Variants in SLC38A6 observed in about 807,000 individuals in gnomAD.
SLC38A6 encodes the protein N system amino acid transporter NAT-1.
In SLC38A6, 73 loss-of-function variants were observed where a neutral mutation model predicts 65.0. The ratio of observed to expected loss-of-function variants is 1.12; its 90% CI spans 0.93 to 1.37. The LOEUF (loss-of-function observed/expected upper bound fraction) is 1.37. Among genes scored for constraint, SLC38A6 ranks in the 40% most tolerant of loss-of-function variants. SLC38A6 has a pLI of 0.00. For missense variants in SLC38A6, 561 were observed against 531.1 expected, an observed-to-expected ratio of 1.06 and a Z score of -0.55; for synonymous variants, 183 against 178.8, an observed-to-expected ratio of 1.02 and a Z score of -0.19.
intron 13 of SLC38A6, 68 bp downstream of exon 13, chr14:61,050,704 G>A: frequency 6.9e-6 from 9 of 1,309,656 alleles, no homozygotes; most frequent in Non-Finnish European, 9.0e-6. Flanking sequence ...CTAATTCTTT[G>A]CAGAATAGAA....
At chr14:61,005,142 A>G (rs2038998034) in intron 3 of SLC38A6, among the ~76,000 whole-genome samples, 1 of 152,148 alleles carries the variant, frequency 6.6e-6, no homozygotes, top group Non-Finnish European at 1.5e-5. Flanking sequence ...CAGCCCATTC[A>G]TGCTAAAAAC....
chr14:61,028,383 A>G (rs1225336562), intron 5 of SLC38A6, among the ~76,000 whole-genome samples: 3 of 152,076 alleles, frequency 2.0e-5, no homozygotes, highest in Non-Finnish European at 2.9e-5. Context: ...TGTCTCTCTC[A>G]CAAGATATAT....
chr14:61,009,795 G>C (rs2139459834), intron 3 of SLC38A6, among the ~76,000 whole-genome samples: 1 of 152,322 alleles, frequency 6.6e-6, no homozygotes, highest in Non-Finnish European at 1.5e-5. Context: ...TGGACATTTA[G>C]GTTGGTTCCA....
intron 3 of SLC38A6, among the ~76,000 whole-genome samples, chr14:60,990,244 T>C (rs746251561): frequency 2.6e-5 from 4 of 152,256 alleles, no homozygotes; most frequent in Non-Finnish European, 5.9e-5. Context: ...TTGGCCAGGC[T>C]GGTCTCAAAC....
intron 5 of SLC38A6, among the ~76,000 whole-genome samples, chr14:61,027,956 G>C (rs1192329513): frequency 6.6e-6 from 1 of 151,648 alleles, no homozygotes; most frequent in Non-Finnish European, 1.5e-5. Flanking sequence ...TATCTTGTAT[G>C]TGAGGTCTTC....
intron 3 of SLC38A6, among the ~76,000 whole-genome samples, chr14:60,996,427 T>G (rs2038297831): frequency 6.6e-6 from 1 of 152,192 alleles, no homozygotes; most frequent in Middle Eastern, 3.4e-3. Context: ...TTACAGAAGT[T>G]TCCTGGGGGT....
At chr14:61,050,427 T>C (rs990775455) in intron 12 of SLC38A6, 85 bp from the exon 13 acceptor site, 4 of 870,974 alleles carry the variant, frequency 4.6e-6, no homozygotes, top group Non-Finnish European at 6.3e-6. Flanking sequence ...AAATCTGTTA[T>C]CATCCATTAG....
chr14:61,013,851 A>T (rs577398919), intron 3 of SLC38A6, among the ~76,000 whole-genome samples: 1 of 152,164 alleles, frequency 6.6e-6, no homozygotes, highest in East Asian at 1.9e-4. Flanking sequence ...TGAATCTGAC[A>T]ATTATATGTT....
At chr14:61,011,331 G>A (rs2039549161) in intron 3 of SLC38A6, among the ~76,000 whole-genome samples, 1 of 152,122 alleles carries the variant, frequency 6.6e-6, no homozygotes, top group Non-Finnish European at 1.5e-5. Flanking sequence ...TGCAAACAGG[G>A]ACAATTTGAC....
chr14:60,986,160 C>A (rs2139682279), intron 3 of SLC38A6, among the ~76,000 whole-genome samples: 1 of 152,326 alleles, frequency 6.6e-6, no homozygotes, highest in South Asian at 2.1e-4. Flanking sequence ...AGTGATGTTT[C>A]TTAAGAATTT....
Position 61,045,351 on chromosome 14 carries a change from T to G in SLC38A6, c.750T>G (p.Ala250=). ...CTCTTTAAAATTTTTTTCAGAGTGC[T>G]TATGCCTTACCAACCATGGCTTTTT... ...PKLFHFSKES[A]YALPTMAFSF... Residue 250 remains alanine (A), a synonymous_variant, in exon 11 of 16, where the codon GCT becomes GCG. Coordinates refer to ENST00000267488, the MANE Select transcript of SLC38A6 (RefSeq NM_153811.3). 2.5e-6 allele frequency: 4 copies of G among 1,613,208 alleles called. No homozygotes were observed. The highest frequency in any genetic ancestry group is 3.4e-6 in the Non-Finnish European group (4 of 1,179,382).
intron 11 of SLC38A6, 58 bp from the exon 12 acceptor site, chr14:61,046,009 T>C: frequency 9.4e-7 from 1 of 1,061,816 alleles, no homozygotes; most frequent in Non-Finnish European, 1.4e-6. Flanking sequence ...AGGACATACT[T>C]GTTTCTTTAC....
At chr14:60,992,788 G>A (rs2038003932) in intron 3 of SLC38A6, among the ~76,000 whole-genome samples, 1 of 151,682 alleles carries the variant, frequency 6.6e-6, no homozygotes, top group South Asian at 2.1e-4. Context: ...CTGGGTTCAA[G>A]CAATTCTCAT....
At chr14:60,992,344 A>T (rs527611797) in intron 3 of SLC38A6, among the ~76,000 whole-genome samples, 1 of 152,286 alleles carries the variant, frequency 6.6e-6, no homozygotes, top group Admixed American at 6.5e-5. Context: ...ACCTCCGTGA[A>T]TGGTACCACC....
At chr14:61,076,702 A>C (rs2139988989) in intron 15 of SLC38A6, among the ~76,000 whole-genome samples, 1 of 152,328 alleles carries the variant, frequency 6.6e-6, no homozygotes, top group African/African-American at 2.4e-5. Context: ...GTGGCACCTA[A>C]ATCTGTTCTG....
intron 3 of SLC38A6, among the ~76,000 whole-genome samples, chr14:61,010,565 C>T (rs536817400): frequency 3.3e-5 from 5 of 152,194 alleles, no homozygotes; most frequent in East Asian, 1.9e-4. Context: ...TTGTATAAAG[C>T]GTAAGGAAGG....
At chr14:61,023,495 C>T (rs899114081) in intron 5 of SLC38A6, among the ~76,000 whole-genome samples, 1 of 151,484 alleles carries the variant, frequency 6.6e-6, no homozygotes, top group Non-Finnish European at 1.5e-5. Flanking sequence ...ATCGTTTAAA[C>T]CCGGTAGACG....
chr14:61,002,090 T>C (rs2038750131), intron 3 of SLC38A6: 1 of 152,192 alleles, frequency 6.6e-6, no homozygotes, highest in Non-Finnish European at 1.5e-5. Context: ...TATTGTTCAC[T>C]GAAGAGCTAA....
chr14:61,023,582 AAT>A (rs918042383), intron 5 of SLC38A6, among the ~76,000 whole-genome samples: 20 of 18,948 alleles, frequency 1.1e-3, no homozygotes, highest in African/African-American at 2.1e-3. Flanking sequence ...TAATAATAAT[AAT>A]AATAATATAT....
Sources: allele counts gnomAD v4.1 joint callset (sites outside exome capture counted in the v4.1 genomes callset), GRCh38; gene constraint gnomAD v4.1.1; transcripts MANE v1.5; gene names NCBI Gene and HGNC (gene_info 2026-07-23, HGNC 2026-07-21).